Variants in HDAC9 observed in about 807,000 individuals in gnomAD.
HDAC9 encodes the protein MEF-2 interacting transcription repressor (MITR) protein.
A neutral mutation model predicts 139.4 loss-of-function variants in HDAC9; 41 were observed. The observed-to-expected ratio is 0.29, with a 90% CI of 0.23 to 0.38. The LOEUF (loss-of-function observed/expected upper bound fraction) is 0.38, where lower values mean the gene tolerates loss of function less well. Ranked by LOEUF, HDAC9 falls within the 10% of genes least tolerant of loss-of-function variation. The pLI is 1.00. For synonymous variants in HDAC9, 517 were observed against 476.2 expected, an observed-to-expected ratio of 1.09 and a Z score of -1.12; for missense variants, 1,147 against 1,297.0, an observed-to-expected ratio of 0.88 and a Z score of 1.78.
intron 8 of HDAC9, among the ~76,000 whole-genome samples, chr7:18,639,948 A>G (rs1182040076): frequency 2.0e-5 from 3 of 152,194 alleles, no homozygotes; most frequent in East Asian, 1.9e-4. Flanking sequence ...CACTTAGGCC[A>G]GACTTCGTTT....
chr7:18,195,904 T>C (rs1293694248), intron 2 of HDAC9, among the ~76,000 whole-genome samples: 1 of 152,192 alleles, frequency 6.6e-6, no homozygotes, highest in African/African-American at 2.4e-5. Flanking sequence ...TTGGTTATTC[T>C]CAATACTTGA....
intron 1 of HDAC9, among the ~76,000 whole-genome samples, chr7:18,091,406 T>A (rs1012952884): frequency 5.3e-5 from 8 of 152,176 alleles, no homozygotes; most frequent in African/African-American, 1.9e-4. Context: ...AAGAAGGAGA[T>A]GGGTGTGGAC....
chr7:18,377,362 T>C (rs1468754365), intron 1 of HDAC9, among the ~76,000 whole-genome samples: 1 of 152,188 alleles, frequency 6.6e-6, no homozygotes, highest in Non-Finnish European at 1.5e-5. Flanking sequence ...TATATAGTGT[T>C]TGGTTTTCTA....
chr7:18,458,894 C>T, intron 1 of HDAC9: 1 of 1,533,214 alleles, frequency 6.5e-7, no homozygotes. Flanking sequence ...GCTGTAGGAT[C>T]TTCCCAGGTA....
chr7:18,462,984 G>A (rs932757284), intron 1 of HDAC9, among the ~76,000 whole-genome samples: 3 of 151,998 alleles, frequency 2.0e-5, no homozygotes, highest in African/African-American at 7.2e-5. Flanking sequence ...TACTGGTACT[G>A]TATGAGAGTG....
chr7:18,107,302 A>T (rs534479702), intron 1 of HDAC9, among the ~76,000 whole-genome samples: 2 of 152,210 alleles, frequency 1.3e-5, no homozygotes, highest in Non-Finnish European at 2.9e-5. Flanking sequence ...TTCATTAAAA[A>T]AATCTTTACA....
chr7:18,740,783 G>A (rs962799981), intron 13 of HDAC9, among the ~76,000 whole-genome samples: 10 of 152,212 alleles, frequency 6.6e-5, no homozygotes, highest in African/African-American at 2.4e-4. Flanking sequence ...TACCCAAGGT[G>A]TGAATAGAAA....
At chr7:18,382,676 C>T (rs1785543916) in intron 1 of HDAC9, among the ~76,000 whole-genome samples, 1 of 152,086 alleles carries the variant, frequency 6.6e-6, no homozygotes, top group African/African-American at 2.4e-5. Context: ...ACCTAAAAGT[C>T]AAAATGTGTT....
chr7:18,111,909 A>G (rs1183261288), intron 1 of HDAC9, among the ~76,000 whole-genome samples: 3 of 152,154 alleles, frequency 2.0e-5, no homozygotes, highest in Non-Finnish European at 4.4e-5. Flanking sequence ...TACAAGCTGT[A>G]TTTCCTGCCA....
chr7:18,739,272 C>T (rs148336970), intron 13 of HDAC9, among the ~76,000 whole-genome samples: 1 of 152,198 alleles, frequency 6.6e-6, no homozygotes, highest in Non-Finnish European at 1.5e-5. Flanking sequence ...GTCAACTTGA[C>T]AAATCATTCT....
At chr7:18,726,528 GTTTC>G (rs1474830401) in intron 12 of HDAC9, among the ~76,000 whole-genome samples, 3 of 152,038 alleles carry the variant, frequency 2.0e-5, no homozygotes, top group Non-Finnish European at 4.4e-5. Flanking sequence ...TGGAGCAACA[GTTTC>G]TTTATCCATG....
intron 2 of HDAC9, among the ~76,000 whole-genome samples, chr7:18,224,429 CT>C (rs1202412289): frequency 6.6e-6 from 1 of 152,128 alleles, no homozygotes; most frequent in Non-Finnish European, 1.5e-5. Context: ...GCCCAGAATT[CT>C]TCAAAATTGA....
chr7:18,618,267 C>G (rs1409872819), intron 6 of HDAC9, among the ~76,000 whole-genome samples: 3 of 152,054 alleles, frequency 2.0e-5, no homozygotes, highest in South Asian at 4.2e-4. Context: ...CATTTGCAGG[C>G]AAGAAAATTG....
At chr7:18,966,982 A>C (rs1028003099) in intron 24 of HDAC9, among the ~76,000 whole-genome samples, 3 of 152,246 alleles carry the variant, frequency 2.0e-5, no homozygotes, top group African/African-American at 7.2e-5. Context: ...TTTAAAAATG[A>C]GTGCTCTACT....
At chr7:18,130,510 T>C (rs1053150942) in intron 1 of HDAC9, among the ~76,000 whole-genome samples, 18 of 152,258 alleles carry the variant, frequency 1.2e-4, no homozygotes, top group African/African-American at 4.1e-4. Flanking sequence ...AACAGCTTTA[T>C]TGAGATATAA....
chr7:18,936,890 GTCA>G (rs1781674775), intron 23 of HDAC9, among the ~76,000 whole-genome samples: 1 of 151,704 alleles, frequency 6.6e-6, no homozygotes, highest in East Asian at 1.9e-4. Flanking sequence ...AGTTACTATT[GTCA>G]TCATTATTTT....
At chr7:18,435,109 A>G (rs1458637140) in intron 1 of HDAC9, among the ~76,000 whole-genome samples, 2 of 151,336 alleles carry the variant, frequency 1.3e-5, no homozygotes, top group East Asian at 1.9e-4. Flanking sequence ...TTGCTGCGAC[A>G]TGGATGGAGC....
intron 1 of HDAC9, among the ~76,000 whole-genome samples, chr7:18,119,777 C>T (rs778700854): frequency 3.9e-5 from 6 of 152,164 alleles, no homozygotes; most frequent in Non-Finnish European, 7.4e-5. Flanking sequence ...GACATTATGA[C>T]TGGGAAGTGG....
intron 2 of HDAC9, among the ~76,000 whole-genome samples, chr7:18,176,746 T>A (rs1413091006): frequency 1.3e-5 from 2 of 152,218 alleles, no homozygotes; most frequent in African/African-American, 4.8e-5. Flanking sequence ...TATTTCATCA[T>A]GTTTGGATAA....
Sources: allele counts gnomAD v4.1 joint callset (sites outside exome capture counted in the v4.1 genomes callset), GRCh38; gene constraint gnomAD v4.1.1; transcripts MANE v1.5; gene names NCBI Gene and HGNC (gene_info 2026-07-23, HGNC 2026-07-21).